Variants in ACSL1 observed in about 807,000 individuals in gnomAD.
ACSL1 encodes the protein long-chain-fatty-acid--CoA ligase 1.
In ACSL1, 41 loss-of-function variants were observed where a neutral mutation model predicts 98.4. The observed-to-expected ratio is 0.42, with a 90% CI of 0.32 to 0.54. ACSL1 has a LOEUF of 0.54. Among genes scored for constraint, ACSL1 ranks in the 20% least tolerant of loss-of-function variants. The pLI, the probability that ACSL1 is intolerant of heterozygous loss-of-function variation, is 0.13. For missense variants in ACSL1, 734 were observed against 883.1 expected (o/e 0.83, Z 2.14); for synonymous variants, 316 against 322.7 (o/e 0.98, Z 0.22).
In ACSL1 at chr4:184,803,475, C is replaced by G; in HGVS notation, c.40G>C (p.Glu14Gln). The change falls in exon 2 of 21, where the codon GAG (glutamate) becomes CAG (glutamine). Residue 14 changes from glutamate to glutamine, a missense_variant. Coordinates refer to ENST00000281455, the MANE Select transcript of ACSL1 (RefSeq NM_001995.5). This position sits in a 1 kb window ranked among gnomAD's most constrained non-coding sequence, Gnocchi z 4.8. ...ACGTACTGTCGGAAGTCAACCAGCT[C>G]TGGCATTCGAAAATACCGGAACAGC... ...HELFRYFRMPELVDFRQYVRT... is the reference protein window; with the variant it reads ...HELFRYFRMPQLVDFRQYVRT... 1 of 1,608,952 alleles carries G rather than the reference C, an allele frequency of 6.2e-7. No homozygotes were observed. The highest frequency in any genetic ancestry group is 8.5e-7 in the Non-Finnish European group (1 of 1,177,174).
chr4:184,819,245 G>A (rs890363645), intron 1 of ACSL1, among the ~76,000 whole-genome samples: 1 of 151,484 alleles, frequency 6.6e-6, no homozygotes, highest in Non-Finnish European at 1.5e-5. Flanking sequence ...CAGGCTCAAG[G>A]GATTCTCCTG....
At chr4:184,781,255 C>A in intron 4 of ACSL1, among the ~76,000 whole-genome samples, 2 of 131,468 alleles carry the variant, frequency 1.5e-5, no homozygotes, top group African/African-American at 2.8e-5. Context: ...AAAAAAAAAG[C>A]CTACATATAA....
intron 7 of ACSL1, among the ~76,000 whole-genome samples, chr4:184,774,450 A>T (rs371199192): frequency 6.6e-6 from 1 of 152,270 alleles, no homozygotes; most frequent in South Asian, 2.1e-4. Context: ...GGAGCCCCCA[A>T]TTATAAAACA....
chr4:184,816,014 G>A (rs185059133), intron 1 of ACSL1, among the ~76,000 whole-genome samples: 4 of 152,098 alleles, frequency 2.6e-5, no homozygotes, highest in East Asian at 1.9e-4. Flanking sequence ...CCGGCTACTC[G>A]GAGGCTGAGG....
Position 184,757,077 on chromosome 4 carries a change from GAA to G in ACSL1, c.*46_*47del. On this transcript the variant is annotated 3_prime_UTR_variant, in exon 21 of 21. Coordinates refer to ENST00000281455, the MANE Select transcript of ACSL1 (RefSeq NM_001995.5). The surrounding 1 kb of genome is among the most constrained non-coding windows in gnomAD (Gnocchi z 4.5). ...AACAACATGAAGGCCATCAGCAGGAGAAGAGATTGTGGAACTGTGCCATTTCC... is the reference window on the plus strand; with the variant it reads ...AACAACATGAAGGCCATCAGCAGGAGGAGATTGTGGAACTGTGCCATTTCC... The G allele has an allele frequency of 1.3e-6, 2 of 1,519,406 alleles. No individual in the cohort carries two copies. The highest frequency in any genetic ancestry group is 1.8e-6 in the Non-Finnish European group (2 of 1,120,604). The allele number at this position is 1,519,406 out of a possible 1,614,324, so 94.1% of individuals were successfully genotyped here.
Position 184,762,370 on chromosome 4 carries a change from A to G in ACSL1, c.1638+37T>C, listed in dbSNP as rs748171067. ...AAGACATTTTCTTCCCCACAGTGGA[A>G]CTGAACTGTTTGTGACCTGAGGAGG... On this transcript the variant is annotated intron_variant, in intron 17 of 20. Transcript: ENST00000281455. 27 of 1,527,446 alleles carry G rather than the reference A, an allele frequency of 1.8e-5. No individual in the cohort carries two copies. The South Asian group carries it at 2.9e-4, about 16-fold the overall frequency. The allele number at this position is 1,527,446 out of a possible 1,614,324, so 94.6% of individuals were successfully genotyped here. A position where few individuals can be genotyped will look rare whatever the true frequency, so the allele number is the denominator to read the frequency against.
chr4:184,826,121 CAGGCCCCGCCCCCGGCA>C (rs1561256188), upstream of ACSL1: 8 of 120,302 alleles, frequency 6.6e-5, no homozygotes, highest in East Asian at 3.6e-4. Context: ...GCCCCGCCCG[CAGGCCCCGCCCCCGGCA>C]GGCCCCGCCC....
At chr4:184,819,755 G>A (rs980960827) in intron 1 of ACSL1, among the ~76,000 whole-genome samples, 2 of 152,124 alleles carry the variant, frequency 1.3e-5, no homozygotes, top group Non-Finnish European at 2.9e-5. Context: ...TTATGGAGGG[G>A]AGCCTGGAAG....
intron 2 of ACSL1, among the ~76,000 whole-genome samples, chr4:184,793,536 CAT>C (rs1474753525): frequency 6.6e-6 from 1 of 152,218 alleles, no homozygotes; most frequent in Non-Finnish European, 1.5e-5. Flanking sequence ...CTTTACCACT[CAT>C]AGACTCATTC....
At chr4:184,814,941 G>A (rs1772487734) in intron 1 of ACSL1, 5 of 448,258 alleles carry the variant, frequency 1.1e-5, no homozygotes, top group Admixed American at 2.4e-5. Flanking sequence ...ATTCCAGGGG[G>A]ATAACCAACT....
chr4:184,782,706 G>C (rs1354966858), intron 4 of ACSL1, among the ~76,000 whole-genome samples: 2 of 152,232 alleles, frequency 1.3e-5, no homozygotes, highest in Admixed American at 1.3e-4. Context: ...TTCCAATCAT[G>C]TGAGATACTG....
At chr4:184,805,241 C>T (rs1240794022) in intron 1 of ACSL1, among the ~76,000 whole-genome samples, 1 of 152,066 alleles carries the variant, frequency 6.6e-6, no homozygotes, top group Non-Finnish European at 1.5e-5. Context: ...TGTTAAAATA[C>T]AGAAATTTTC....
chr4:184,780,752 A>G (rs769242765), intron 4 of ACSL1, among the ~76,000 whole-genome samples: 1 of 152,210 alleles, frequency 6.6e-6, no homozygotes, highest in Non-Finnish European at 1.5e-5. Flanking sequence ...ATACAATTTT[A>G]AAAATGATAG....
chr4:184,810,367 TG>T (rs1203285571), intron 1 of ACSL1, among the ~76,000 whole-genome samples: 3 of 152,216 alleles, frequency 2.0e-5, no homozygotes, highest in African/African-American at 7.2e-5. Flanking sequence ...ATGACAGCCT[TG>T]GTAAGACTTA....
intron 12 of ACSL1, 23 bp downstream of exon 12, chr4:184,768,293 G>A (rs1372968592): frequency 6.2e-7 from 1 of 1,606,362 alleles, no homozygotes; most frequent in Non-Finnish European, 8.5e-7. Context: ...CTCAGTCCTG[G>A]GACTTCGCTG....
At chr4:184,772,743 G>A (rs1192657143) in intron 10 of ACSL1, among the ~76,000 whole-genome samples, 1 of 152,170 alleles carries the variant, frequency 6.6e-6, no homozygotes, top group Non-Finnish European at 1.5e-5. Flanking sequence ...CCCAAATACA[G>A]GGACGCTGGA....
At chr4:184,780,520 C>A in intron 4 of ACSL1, 87 bp from the exon 5 acceptor site, 1 of 924,928 alleles carries the variant, frequency 1.1e-6, no homozygotes, top group South Asian at 1.4e-5. Context: ...GTATCTCAGC[C>A]AGCAAGCAAT....
Position 184,803,589 on chromosome 4 carries a change from G to A in ACSL1, c.-32-43C>T. On this transcript the variant is annotated intron_variant, in intron 1 of 20. Coordinates refer to ENST00000281455, the MANE Select transcript of ACSL1 (RefSeq NM_001995.5). This position sits in a 1 kb window ranked among gnomAD's most constrained non-coding sequence, Gnocchi z 4.8. ...TGTCACGTTCGTTCCAGGGAAGCAGGACCCCTCTCCAGAACTCCAAAATTC... is the reference window on the plus strand; with the variant it reads ...TGTCACGTTCGTTCCAGGGAAGCAGAACCCCTCTCCAGAACTCCAAAATTC... 7.5e-7 allele frequency: 1 copy of A among 1,341,282 alleles called. No individual in the cohort carries two copies. Among genetic ancestry groups the A allele is most frequent in the Non-Finnish European group, 9.7e-7 (1 of 1,029,242 alleles). 83.1% of individuals were successfully genotyped at this position (1,341,282 alleles called of 1,614,324 possible).
At chr4:184,808,500 C>T (rs762675222) in intron 1 of ACSL1, 16 of 985,342 alleles carry the variant, frequency 1.6e-5, no homozygotes, top group Non-Finnish European at 1.8e-5. Context: ...GACATCTTTC[C>T]TTAACGCAGC....
Sources: allele counts gnomAD v4.1 joint callset (sites outside exome capture counted in the v4.1 genomes callset), GRCh38; gene constraint gnomAD v4.1.1; non-coding constraint Gnocchi (gnomAD v3.1); transcripts MANE v1.5; gene names NCBI Gene and HGNC (gene_info 2026-07-23, HGNC 2026-07-21).